Variants in CSNK2A2IP observed in about 807,000 individuals in gnomAD.
CSNK2A2IP encodes casein kinase II subunit alpha'-interacting protein.
chr3:88,413,067 T>C, the CSNK2A2IP span, among the ~76,000 whole-genome samples: 2 of 152,034 alleles, frequency 1.3e-5, no homozygotes, highest in Non-Finnish European at 2.9e-5. Flanking sequence ...GTTTTTTATT[T>C]TTTCCAGTGA....
the CSNK2A2IP span, among the ~76,000 whole-genome samples, chr3:88,446,036 T>TTCTTTCTCTCTC: frequency 7.1e-5 from 1 of 14,054 alleles, no homozygotes; most frequent in East Asian, 1.0e-3. Flanking sequence ...TTTCTTTTCT[T>TTCTTTCTCTCTC]TCTTTCTTTC....
chr3:88,420,468 G>T, the CSNK2A2IP span, among the ~76,000 whole-genome samples: 1 of 151,990 alleles, frequency 6.6e-6, no homozygotes, highest in South Asian at 2.1e-4. Context: ...TCTTGAGAAA[G>T]ACTTTTTAAA....
chr3:88,383,517 C>T, the CSNK2A2IP span, among the ~76,000 whole-genome samples: 1 of 152,048 alleles, frequency 6.6e-6, no homozygotes, highest in Non-Finnish European at 1.5e-5. Context: ...AGATGGATAC[C>T]CAGGGAGCCA....
At chr3:88,449,164 A>T in the CSNK2A2IP span, among the ~76,000 whole-genome samples, 7 of 151,980 alleles carry the variant, frequency 4.6e-5, no homozygotes, top group African/African-American at 1.7e-4. Flanking sequence ...TTATTTGGTG[A>T]ACTTATTTTG....
the CSNK2A2IP span, among the ~76,000 whole-genome samples, chr3:88,359,833 A>T: frequency 6.6e-6 from 1 of 152,102 alleles, no homozygotes; most frequent in Non-Finnish European, 1.5e-5. Context: ...AATAATGTGT[A>T]TTTTGTGGCT....
the CSNK2A2IP span, among the ~76,000 whole-genome samples, chr3:88,406,224 G>T: frequency 6.6e-6 from 1 of 151,988 alleles, no homozygotes; most frequent in African/African-American, 2.4e-5. Flanking sequence ...ATGTTGCTTT[G>T]AAATTGAAAT....
the CSNK2A2IP span, among the ~76,000 whole-genome samples, chr3:88,428,633 G>A: frequency 1.3e-5 from 2 of 152,204 alleles, no homozygotes; most frequent in South Asian, 2.1e-4. Flanking sequence ...AGGCCATATA[G>A]GTAATAAGAG....
chr3:88,460,903 C>G, the CSNK2A2IP span, among the ~76,000 whole-genome samples: 1 of 152,010 alleles, frequency 6.6e-6, no homozygotes, highest in African/African-American at 2.4e-5. Context: ...ACCTGACCAA[C>G]AGGGCGAAAT....
chr3:88,366,482 T>C, the CSNK2A2IP span, among the ~76,000 whole-genome samples: 1 of 152,260 alleles, frequency 6.6e-6, no homozygotes, highest in East Asian at 1.9e-4. Flanking sequence ...AATACTTAAG[T>C]TTGATTTGCA....
the CSNK2A2IP span, among the ~76,000 whole-genome samples, chr3:88,418,469 C>CGCGCGG: frequency 1.6e-5 from 2 of 125,430 alleles, no homozygotes; most frequent in Admixed American, 1.6e-4. Flanking sequence ...TGTGTGCGCG[C>CGCGCGG]GGGCGTGTGT....
the CSNK2A2IP span, among the ~76,000 whole-genome samples, chr3:88,356,436 T>C: frequency 6.6e-6 from 1 of 152,190 alleles, no homozygotes. Context: ...TATTTCATTC[T>C]TTTTATGGCT....
the CSNK2A2IP span, among the ~76,000 whole-genome samples, chr3:88,392,039 A>T: frequency 2.0e-5 from 3 of 152,144 alleles, no homozygotes; most frequent in Admixed American, 1.3e-4. Flanking sequence ...GAACTTTAGG[A>T]TGTAGAATCA....
chr3:88,420,083 G>A, the CSNK2A2IP span, among the ~76,000 whole-genome samples: 2 of 152,088 alleles, frequency 1.3e-5, no homozygotes, highest in Non-Finnish European at 2.9e-5. Flanking sequence ...TCTGAGATAG[G>A]GCTTGGATAT....
the CSNK2A2IP span, chr3:88,466,214 C>T: frequency 1.6e-6 from 2 of 1,231,550 alleles, no homozygotes; most frequent in Admixed American, 4.2e-5. Context: ...ATATTGAACT[C>T]TAACCCCACT....
the CSNK2A2IP span, among the ~76,000 whole-genome samples, chr3:88,439,125 TACCTTTCAA>T: frequency 6.6e-6 from 1 of 152,216 alleles, no homozygotes; most frequent in Non-Finnish European, 1.5e-5. Flanking sequence ...CTCCACCCTC[TACCTTTCAA>T]ATTTCCTCAA....
At chr3:88,452,229 G>T in the CSNK2A2IP span, among the ~76,000 whole-genome samples, 1 of 151,380 alleles carries the variant, frequency 6.6e-6, no homozygotes, top group Non-Finnish European at 1.5e-5. Flanking sequence ...CATAAGGGAA[G>T]AGAGCAGGTA....
the CSNK2A2IP span, among the ~76,000 whole-genome samples, chr3:88,370,610 C>CTCTTTCTT: frequency 4.7e-5 from 7 of 148,150 alleles, no homozygotes; most frequent in East Asian, 4.1e-4. Context: ...CTCTCTCTCT[C>CTCTTTCTT]TCTTTCTTTC....
At chr3:88,376,173 A>G in the CSNK2A2IP span, among the ~76,000 whole-genome samples, 2 of 150,736 alleles carry the variant, frequency 1.3e-5, no homozygotes, top group African/African-American at 4.9e-5. Flanking sequence ...CCACTTTTCT[A>G]TATTTCTAAA....
chr3:88,442,210 A>T, the CSNK2A2IP span, among the ~76,000 whole-genome samples: 2 of 151,888 alleles, frequency 1.3e-5, no homozygotes, highest in Admixed American at 6.6e-5. Context: ...TTTTTTTAAA[A>T]TTTTTTCTTT....
Sources: gnomAD v4.1 joint callset for allele counts (sites outside exome capture counted in the v4.1 genomes callset) on GRCh38, gnomAD v4.1.1 for gene constraint, MANE v1.5 for transcripts, NCBI Gene and HGNC (gene_info 2026-07-23, HGNC 2026-07-21) for gene names.